Variants in EPHA6 observed in about 807,000 individuals in gnomAD.
The protein encoded by EPHA6 is EPH receptor A6.
In EPHA6, 50 loss-of-function variants were observed where a neutral mutation model predicts 112.0. That is an observed-to-expected ratio of 0.45 (90% CI 0.36 to 0.56). The LOEUF (loss-of-function observed/expected upper bound fraction) is 0.56, where lower values mean the gene tolerates loss of function less well. Among genes scored for constraint, EPHA6 ranks in the 20% least tolerant of loss-of-function variants. The pLI, the probability that EPHA6 is intolerant of heterozygous loss-of-function variation, is 0.00. For missense variants in EPHA6, 1,280 were observed against 1,417.4 expected, an observed-to-expected ratio of 0.90 and a Z score of 1.56; for synonymous variants, 529 against 490.7, an observed-to-expected ratio of 1.08 and a Z score of -1.03.
At chr3:96,950,579 G>T (rs2041485002) in intron 2 of EPHA6, among the ~76,000 whole-genome samples, 1 of 152,106 alleles carries the variant, frequency 6.6e-6, no homozygotes, top group African/African-American at 2.4e-5. Flanking sequence ...AGCAATGGAA[G>T]TTGAAGAGAA....
At chr3:96,887,356 C>G (rs1364450057) in intron 2 of EPHA6, among the ~76,000 whole-genome samples, 2 of 152,132 alleles carry the variant, frequency 1.3e-5, no homozygotes, top group Non-Finnish European at 2.9e-5. Flanking sequence ...ATTGTCTTCT[C>G]TCTTCTGGGT....
intron 2 of EPHA6, among the ~76,000 whole-genome samples, chr3:96,883,294 G>A (rs1051744177): frequency 6.6e-6 from 1 of 152,100 alleles, no homozygotes. Flanking sequence ...ACAGATTTAA[G>A]TTTGTTGTAG....
At chr3:97,092,853 A>G (rs2047116736) in intron 3 of EPHA6, among the ~76,000 whole-genome samples, 1 of 152,036 alleles carries the variant, frequency 6.6e-6, no homozygotes, top group Non-Finnish European at 1.5e-5. Flanking sequence ...ACAATTGCAA[A>G]AAAAAAAGAA....
chr3:97,072,345 T>C (rs1273625443), intron 3 of EPHA6, among the ~76,000 whole-genome samples: 2 of 152,086 alleles, frequency 1.3e-5, no homozygotes, highest in African/African-American at 2.4e-5. Context: ...GTATGACTGG[T>C]GTCCTTATGA....
chr3:97,007,008 G>A (rs1473578068), intron 3 of EPHA6, among the ~76,000 whole-genome samples: 2 of 152,144 alleles, frequency 1.3e-5, no homozygotes, highest in African/African-American at 2.4e-5. Flanking sequence ...TTGCTGAGGA[G>A]TGTTTTACTT....
At chr3:97,564,933 T>C (rs993558895) in intron 11 of EPHA6, among the ~76,000 whole-genome samples, 1 of 152,052 alleles carries the variant, frequency 6.6e-6, no homozygotes, top group Non-Finnish European at 1.5e-5. Context: ...CTTAAAAATA[T>C]ACCATTCTAT....
At chr3:96,983,709 T>C (rs1374807684) in intron 2 of EPHA6, among the ~76,000 whole-genome samples, 2 of 152,220 alleles carry the variant, frequency 1.3e-5, no homozygotes, top group African/African-American at 4.8e-5. Context: ...GTAGATTTTG[T>C]CTTTTCACAT....
Position 97,484,053 on chromosome 3 carries a change from G to A in EPHA6, c.2194G>A (p.Gly732Arg). 1.2e-6 allele frequency: 2 copies of A among 1,601,454 alleles called. No homozygotes were observed. The highest frequency in any genetic ancestry group is 1.7e-6 in the Non-Finnish European group (2 of 1,175,172). Residue 732 changes from glycine (G) to arginine (R), a missense_variant, in exon 10 of 18, where the codon GGG becomes AGG. This residue lies in a region of EPHA6 where 878 missense variants were observed against 999.7 expected (regional missense o/e 0.88). Coordinates refer to ENST00000389672, the MANE Select transcript of EPHA6 (RefSeq NM_001080448.3). ...PSRIRIERVI[G>R]AGEFGEVCSG... ...AAGAATTCGTATTGAGAGAGTCATT[G>A]GGGCAGGTAAATGTCAAATCTACAC...
At chr3:97,607,463 A>G (rs562076066) in intron 12 of EPHA6, among the ~76,000 whole-genome samples, 75 of 151,212 alleles carry the variant, frequency 5.0e-4, no homozygotes, top group African/African-American at 1.7e-3. Flanking sequence ...GGTTTTTGCA[A>G]TCCATCGTCT....
chr3:97,240,029 A>C (rs1039169237), intron 4 of EPHA6, among the ~76,000 whole-genome samples: 1 of 151,856 alleles, frequency 6.6e-6, no homozygotes, highest in Non-Finnish European at 1.5e-5. Flanking sequence ...CTTCATCTGA[A>C]TATACTGATA....
intron 3 of EPHA6, among the ~76,000 whole-genome samples, chr3:97,076,282 A>G (rs1481726374): frequency 6.6e-6 from 1 of 152,212 alleles, no homozygotes; most frequent in East Asian, 1.9e-4. Flanking sequence ...CACAAATGAT[A>G]AGAAAGCAAA....
At chr3:97,146,344 C>T (rs530136128) in intron 3 of EPHA6, among the ~76,000 whole-genome samples, 3 of 151,892 alleles carry the variant, frequency 2.0e-5, no homozygotes, top group African/African-American at 4.8e-5. Flanking sequence ...AACAGCCTCT[C>T]ATTCTCTTTG....
intron 2 of EPHA6, among the ~76,000 whole-genome samples, chr3:96,938,607 T>C (rs966551801): frequency 9.9e-5 from 15 of 152,160 alleles, no homozygotes; most frequent in African/African-American, 3.6e-4. Context: ...TATTTCCTTT[T>C]CCTGCCTAAT....
At chr3:97,092,873 A>C (rs1009616130) in intron 3 of EPHA6, among the ~76,000 whole-genome samples, 4 of 152,110 alleles carry the variant, frequency 2.6e-5, no homozygotes, top group African/African-American at 9.7e-5. Context: ...AAAATCCCAA[A>C]TATATCTATG....
chr3:97,085,996 G>A (rs574646061), intron 3 of EPHA6, among the ~76,000 whole-genome samples: 35 of 146,334 alleles, frequency 2.4e-4, no homozygotes, highest in Non-Finnish European at 4.7e-4. Flanking sequence ...GTGCAGTGGC[G>A]TGATCTCAGC....
At chr3:96,911,904 G>C (rs2039235495) in intron 2 of EPHA6, among the ~76,000 whole-genome samples, 1 of 151,698 alleles carries the variant, frequency 6.6e-6, no homozygotes, top group Non-Finnish European at 1.5e-5. Context: ...AAAATTGTTT[G>C]CTTTTTTTTA....
At chr3:97,503,964 T>C (rs2092185439) in intron 10 of EPHA6, among the ~76,000 whole-genome samples, 1 of 152,220 alleles carries the variant, frequency 6.6e-6, no homozygotes, top group Non-Finnish European at 1.5e-5. Flanking sequence ...TCTAAAACAA[T>C]TCTATGCTGT....
intron 2 of EPHA6, among the ~76,000 whole-genome samples, chr3:96,905,068 A>G (rs947377425): frequency 6.6e-6 from 1 of 152,134 alleles, no homozygotes; most frequent in East Asian, 1.9e-4. Flanking sequence ...AAAGGAATGC[A>G]AAAAGAGTAC....
chr3:96,923,853 G>A (rs1258207233), intron 2 of EPHA6, among the ~76,000 whole-genome samples: 1 of 152,108 alleles, frequency 6.6e-6, no homozygotes, highest in Non-Finnish European at 1.5e-5. Context: ...TATATGGCTA[G>A]CCAGTTCCCC....
Sources: gnomAD v4.1 joint callset for allele counts (sites outside exome capture counted in the v4.1 genomes callset) on GRCh38, gnomAD v4.1.1 for gene constraint, gnomAD v4.1.1 regional missense constraint, MANE v1.5 for transcripts, NCBI Gene and HGNC (gene_info 2026-07-23, HGNC 2026-07-21) for gene names.